LONRF2: variants seen among roughly 807,000 people sequenced by gnomAD.
LONRF2 encodes the protein LON peptidase N-terminal domain and ring finger 2, also known as LON peptidase N-terminal domain and RING finger protein 2.
A neutral mutation model predicts 66.6 loss-of-function variants in LONRF2; 35 were observed. That is an observed-to-expected ratio of 0.53 (90% CI 0.40 to 0.70). The LOEUF is 0.70. Among genes scored for constraint, LONRF2 ranks in the 30% least tolerant of loss-of-function variants. The probability of loss-of-function intolerance (pLI) is 0.00; values close to 1 mark genes in which losing one functional copy is unlikely to be tolerated. For synonymous variants in LONRF2, 417 were observed against 418.1 expected (o/e 1.00, Z 0.03); for missense variants, 902 against 1,002.1 (o/e 0.90, Z 1.35).
At position 100,284,132 on chromosome 2, in the gene LONRF2, G is replaced by A. The variant is rs1674795654; in HGVS notation, c.*166C>T. The A allele has an allele frequency of 6.3e-6, 4 of 636,750 alleles. No individual in the cohort carries two copies. Among genetic ancestry groups the A allele is most frequent in the South Asian group, 2.2e-5 (1 of 44,618 alleles). 39.4% of individuals were successfully genotyped at this position (636,750 alleles called of 1,614,324 possible). A position where few individuals can be genotyped will look rare whatever the true frequency, so the allele number is the denominator to read the frequency against. Reference sequence around the variant, plus strand: ...CCTCACACAAGGTCAGATCCCACCAGACACAGAATTGTCATTTTTGAGGAG... The same window carrying A: ...CCTCACACAAGGTCAGATCCCACCAAACACAGAATTGTCATTTTTGAGGAG... On this transcript the variant is annotated 3_prime_UTR_variant, in exon 12 of 12. Transcript: ENST00000393437.
chr2:100,300,798 G>A lies in LONRF2; in HGVS notation c.922-11C>T. On this transcript the variant is annotated splice_polypyrimidine_tract_variant and intron_variant, in intron 3 of 11. Coordinates refer to ENST00000393437, the MANE Select transcript of LONRF2 (RefSeq NM_198461.4). The stretch of plus-strand genomic sequence containing the variant: ...CACTTCACACATTACCTATAAAATT[G>A]CCAAGAAAAGAAAAAATATATATTT... 6 of 1,562,952 alleles carry A rather than the reference G, an allele frequency of 3.8e-6. No homozygotes were observed. The highest frequency in any genetic ancestry group is 5.2e-6 in the Non-Finnish European group (6 of 1,160,240).
chr2:100,302,930 T>A lies in LONRF2; in HGVS notation c.912A>T (p.Glu304Asp), dbSNP rs779019431. The change falls in exon 3 of 12, where the codon GAA (glutamate) becomes GAT (aspartate). Residue 304 changes from glutamate to aspartate, a missense_variant. Glu to Asp is a conservative substitution (Grantham distance 45, BLOSUM62 2). This residue lies in a region of LONRF2 where 585 missense variants were observed against 569.9 expected (regional missense o/e 1.03). Transcript: ENST00000393437. ...LNPECNSVKK[E>D]AQKVMCEVLF... ...TTAACAGAACTCATACCTTCTGTGC[T>A]TCTTTCTTCACAGAGTTACATTCAG... The A allele has an allele frequency of 1.3e-5, 21 of 1,602,774 alleles. No homozygotes were observed. Among genetic ancestry groups the A allele is most frequent in the Admixed American group, 3.4e-5 (2 of 58,740 alleles).
chr2:100,300,294 A>G (rs1022616094), intron 4 of LONRF2, among the ~76,000 whole-genome samples: 56 of 151,780 alleles, frequency 3.7e-4, no homozygotes, highest in African/African-American at 1.3e-3. Flanking sequence ...GTACATGTGT[A>G]CAACGTGCAG....
At position 100,273,059 on chromosome 2, in the gene LONRF2, A is replaced by T. The variant is rs1000298191; in HGVS notation, c.*11239T>A. Among the ~76,000 whole-genome samples, 2 of 152,234 alleles carry T rather than the reference A, an allele frequency of 1.3e-5. No individual in the cohort carries two copies. Among genetic ancestry groups the T allele is most frequent in the Non-Finnish European group, 2.9e-5 (2 of 68,038 alleles). On this transcript the variant is annotated 3_prime_UTR_variant, in exon 12 of 12. Coordinates refer to ENST00000393437, the MANE Select transcript of LONRF2 (RefSeq NM_198461.4). ...ATTAGGGTGGAAGTTAAATCTAATG[A>T]CTGGTGTCCTTATATAAGGAAAGGG...
rs187050715 is a variant in LONRF2 at position 100,295,606 on chromosome 2, G to A, written c.1477-53C>T. 2.4e-5 allele frequency: 37 copies of A among 1,566,502 alleles called. No homozygotes were observed. The East Asian group carries it at 3.5e-4, about 15-fold the overall frequency. Reference sequence around the variant, plus strand: ...TGTATGGTAATTGATTCTAAAGGACGAAGCTTCCGAGTGGAAAGGTGAACA... The same window carrying A: ...TGTATGGTAATTGATTCTAAAGGACAAAGCTTCCGAGTGGAAAGGTGAACA... On this transcript the variant is annotated intron_variant, in intron 7 of 11. Coordinates refer to ENST00000393437, the MANE Select transcript of LONRF2 (RefSeq NM_198461.4).
In LONRF2 at chr2:100,290,293, T is replaced by C; in HGVS notation, c.1885A>G (p.Asn629Asp). The C allele has an allele frequency of 6.2e-7, 1 of 1,614,160 alleles. No homozygotes were observed. Among genetic ancestry groups the C allele is most frequent in the South Asian group, 1.1e-5 (1 of 91,062 alleles). The part of the protein sequence containing the change: ...VLSHRHRDGY[N>D]TADIEYLEDE... ...TCAAGATATTCAATGTCCGCTGTGT[T>C]ATAGCCATCTCTGTGGCGGTGGCTT... is the stretch of plus-strand genomic sequence containing the variant. Residue 629 changes from asparagine (N) to aspartate (D), a missense_variant, in exon 10 of 12, where the codon AAC becomes GAC. Physicochemically the swap from Asn to Asp is conservative, Grantham distance 23 (BLOSUM62 1). Around this residue, in one of 2 missense-constraint regions of LONRF2, gnomAD observed 317 missense variants for 432.2 expected, o/e 0.73. Transcript: ENST00000393437.
chr2:100,297,013 A>ATCAT lies in LONRF2; in HGVS notation c.1477-1464_1477-1461dup, dbSNP rs1204905346. Among the ~76,000 whole-genome samples the ATCAT allele has an allele frequency of 3.4e-3, 519 of 152,306 alleles. 2 individuals carry two copies. The highest frequency in any genetic ancestry group is 0.012 in the African/African-American group (498 of 41,562). On this transcript the variant is annotated intron_variant, in intron 7 of 11. Transcript: ENST00000393437. ...GGAACCCATGTATAGTTTGCATGTA[A>ATCAT]TCATTCATTCATTCATTCAACAAAG...
intron 10 of LONRF2, among the ~76,000 whole-genome samples, chr2:100,288,971 AT>A (rs1674901137): frequency 6.6e-6 from 1 of 152,176 alleles, no homozygotes; most frequent in African/African-American, 2.4e-5. Context: ...CTCTCAAAAC[AT>A]TTTGCTAATT....
chr2:100,281,599 T>A lies in LONRF2; in HGVS notation c.*2699A>T, dbSNP rs1674737968. Reference sequence around the variant, plus strand: ...GACACAGGCAGGTTTGGGCGATGAATGGAAAAATACAGAACAGCATGTATT... The same window carrying A: ...GACACAGGCAGGTTTGGGCGATGAAAGGAAAAATACAGAACAGCATGTATT... On this transcript the variant is annotated 3_prime_UTR_variant, in exon 12 of 12. Transcript: ENST00000393437. 1 of 152,150 alleles carries A rather than the reference T, an allele frequency of 6.6e-6. No individual in the cohort carries two copies. Among genetic ancestry groups the A allele is most frequent in the Admixed American group, 6.6e-5 (1 of 15,260 alleles). 9.4% of individuals were successfully genotyped at this position (152,150 alleles called of 1,614,324 possible).
intron 1 of LONRF2, among the ~76,000 whole-genome samples, chr2:100,319,854 T>C (rs1318148058): frequency 6.6e-6 from 1 of 152,224 alleles, no homozygotes; most frequent in African/African-American, 2.4e-5. Flanking sequence ...TATACCTCTT[T>C]GAAACTATTT....
intron 1 of LONRF2, among the ~76,000 whole-genome samples, chr2:100,311,230 G>A (rs902402196): frequency 6.6e-6 from 1 of 152,004 alleles, no homozygotes; most frequent in Non-Finnish European, 1.5e-5. Context: ...CAATCACACA[G>A]TTAAATGCAT....
rs1009004673 is a variant in LONRF2, at chr2:100,272,507, A to AAAAT, written c.*11787_*11790dup. On this transcript the variant is annotated 3_prime_UTR_variant, in exon 12 of 12. Coordinates refer to ENST00000393437, the MANE Select transcript of LONRF2 (RefSeq NM_198461.4). ...CAGCAAGACCATGTCCCCCAAGAAG[A>AAAAT]AAATAAATAAATAAATAAACAAACA... Among the ~76,000 whole-genome samples, 6 of 152,124 alleles carry AAAAT rather than the reference A, an allele frequency of 3.9e-5. No homozygotes were observed. The highest frequency in any genetic ancestry group is 2.1e-4 in the South Asian group (1 of 4,828).
At chr2:100,313,662 A>G (rs1477482705) in intron 1 of LONRF2, among the ~76,000 whole-genome samples, 2 of 152,084 alleles carry the variant, frequency 1.3e-5, no homozygotes, top group Admixed American at 6.5e-5. Context: ...GTATATCTCA[A>G]CCTTTGCATG....
chr2:100,302,053 G>A (rs1235471227), intron 3 of LONRF2, among the ~76,000 whole-genome samples: 2 of 152,170 alleles, frequency 1.3e-5, no homozygotes, highest in African/African-American at 4.8e-5. Context: ...AAAGAGGAAC[G>A]AGGTATTTAA....
rs890589710 is a variant in LONRF2 at position 100,278,640 on chromosome 2, A to G, written c.*5658T>C. On this transcript the variant is annotated 3_prime_UTR_variant, in exon 12 of 12. Transcript: ENST00000393437. ...AAACGCGGCAAATGCTGGGACCCACATCAGCACGAGTGGGGGTCCGCTTAG... is the reference window on the plus strand; with the variant it reads ...AAACGCGGCAAATGCTGGGACCCACGTCAGCACGAGTGGGGGTCCGCTTAG... 1 of 152,154 alleles carries G rather than the reference A, an allele frequency of 6.6e-6. No homozygotes were observed. Among genetic ancestry groups the G allele is most frequent in the Non-Finnish European group, 1.5e-5 (1 of 68,042 alleles). 9.4% of individuals were successfully genotyped at this position (152,154 alleles called of 1,614,324 possible).
chr2:100,309,602 G>T (rs1286018206), intron 1 of LONRF2: 1 of 153,472 alleles, frequency 6.5e-6, no homozygotes, highest in African/African-American at 2.4e-5. Flanking sequence ...TTTTAGAAGA[G>T]ATTTAAAATA....
chr2:100,272,908 T>C lies in LONRF2; in HGVS notation c.*11390A>G, dbSNP rs1674528330. 6.6e-6 allele frequency among the ~76,000 whole-genome samples: 1 copy of C among 152,216 alleles called. No individual in the cohort carries two copies. On this transcript the variant is annotated 3_prime_UTR_variant, in exon 12 of 12. Coordinates refer to ENST00000393437, the MANE Select transcript of LONRF2 (RefSeq NM_198461.4). The stretch of plus-strand genomic sequence containing the variant: ...TCCTACTAAAATTAAATTGGAATCG[T>C]TCCACATCTGCACTGTGTTGAATAC...
At position 100,274,176 on chromosome 2, in the gene LONRF2, G is replaced by T. The variant is rs1018773910; in HGVS notation, c.*10122C>A. 1.3e-5 allele frequency: 2 copies of T among 152,060 alleles called. No homozygotes were observed. Among genetic ancestry groups the T allele is most frequent in the Non-Finnish European group, 2.9e-5 (2 of 68,036 alleles). 9.4% of individuals were successfully genotyped at this position (152,060 alleles called of 1,614,324 possible). A position where few individuals can be genotyped will look rare whatever the true frequency, so the allele number is the denominator to read the frequency against. On this transcript the variant is annotated 3_prime_UTR_variant, in exon 12 of 12. Coordinates refer to ENST00000393437, the MANE Select transcript of LONRF2 (RefSeq NM_198461.4). The stretch of plus-strand genomic sequence containing the variant: ...ACTCATGACAGTAAACTTCCTCAGG[G>T]TTCTCTATTATGATCAGGGCCAATC...
At chr2:100,304,206 G>A (rs917389040) in intron 2 of LONRF2, among the ~76,000 whole-genome samples, 5 of 151,554 alleles carry the variant, frequency 3.3e-5, no homozygotes, top group Admixed American at 1.3e-4. Flanking sequence ...AGGCTAGAAC[G>A]CAATGGCATG....
Sources: allele counts gnomAD v4.1 joint callset (sites outside exome capture counted in the v4.1 genomes callset), GRCh38; gene constraint gnomAD v4.1.1; regional missense constraint gnomAD v4.1.1; transcripts MANE v1.5; gene names NCBI Gene and HGNC (gene_info 2026-07-23, HGNC 2026-07-21).